The following NEGR1 variants were observed in gnomAD, a reference collection of about 807,000 sequenced individuals.
The protein encoded by NEGR1 is neuronal growth regulator 1.
In NEGR1, 10 loss-of-function variants were observed where a neutral mutation model predicts 40.9. The observed-to-expected ratio is 0.24, with a 90% CI of 0.15 to 0.42. NEGR1 has a LOEUF of 0.42. Ranked by LOEUF, NEGR1 falls within the 10% of genes least tolerant of loss-of-function variation. The pLI is 1.00. For missense variants in NEGR1, 352 were observed against 438.9 expected, an observed-to-expected ratio of 0.80 and a Z score of 1.77; for synonymous variants, 185 against 166.8, an observed-to-expected ratio of 1.11 and a Z score of -0.84.
chr1:71,977,102 T>A (rs1343212631), intron 1 of NEGR1, among the ~76,000 whole-genome samples: 1 of 152,050 alleles, frequency 6.6e-6, no homozygotes, highest in Non-Finnish European at 1.5e-5. Flanking sequence ...GCGGGTGGAC[T>A]GTCTGAGGTC....
chr1:71,704,915 A>G (rs1292919567), intron 3 of NEGR1, among the ~76,000 whole-genome samples: 1 of 151,978 alleles, frequency 6.6e-6, no homozygotes, highest in Admixed American at 6.6e-5. Context: ...ATACACCATG[A>G]TCAAGTACAG....
intron 3 of NEGR1, among the ~76,000 whole-genome samples, chr1:71,775,053 A>G (rs1168791100): frequency 1.3e-5 from 2 of 152,174 alleles, no homozygotes; most frequent in African/African-American, 2.4e-5. Context: ...TTCTAACTCC[A>G]AAGTCTTTGA....
At chr1:71,845,474 C>T (rs995677755) in intron 2 of NEGR1, among the ~76,000 whole-genome samples, 1 of 151,940 alleles carries the variant, frequency 6.6e-6, no homozygotes, top group South Asian at 2.1e-4. Flanking sequence ...ATCAGGCTGC[C>T]CCAATTTCTT....
chr1:71,868,917 G>T (rs1013527107), intron 2 of NEGR1, among the ~76,000 whole-genome samples: 7 of 151,916 alleles, frequency 4.6e-5, no homozygotes, highest in African/African-American at 1.7e-4. Context: ...CTGGAAAACA[G>T]GCCCTTCATC....
Position 71,698,109 on chromosome 1 carries a change from T to C in NEGR1, c.566A>G (p.Asp189Gly). 2 of 1,610,590 alleles carry C rather than the reference T, an allele frequency of 1.2e-6. No individual in the cohort carries two copies. Among genetic ancestry groups the C allele is most frequent in the African/African-American group, 1.3e-5 (1 of 74,842 alleles). The change falls in exon 4 of 7, where the codon GAC (aspartate) becomes GGC (glycine). Residue 189 changes from aspartate (D) to glycine (G), a missense_variant. Coordinates refer to ENST00000357731, the MANE Select transcript of NEGR1 (RefSeq NM_173808.3). ...CTGGTCCCTTGTAATTCCATAAATG[T>C]CCAAATATTGTCCATTTTCAAATGG... Reference protein sequence around the residue: ...AKPFENGQYLDIYGITRDQAG... With the variant: ...AKPFENGQYLGIYGITRDQAG...
chr1:71,687,544 G>A (rs1468065324), intron 4 of NEGR1, among the ~76,000 whole-genome samples: 1 of 152,108 alleles, frequency 6.6e-6, no homozygotes, highest in Non-Finnish European at 1.5e-5. Flanking sequence ...CACAGTATGT[G>A]AACAAACCTA....
rs138602571 is a variant in NEGR1, at chr1:71,425,156, A to G, written c.941-17586T>C. Among the ~76,000 whole-genome samples, 18 of 152,254 alleles carry G rather than the reference A, an allele frequency of 1.2e-4. No homozygotes were observed. In the East Asian group the frequency reaches 3.5e-3, roughly 30 times the overall value. ...AAGATGAAATGACTGAGCAGCACAC[A>G]TAATACGTGCTCTTAGCTTCAAGAA... On this transcript the variant is annotated intron_variant, in intron 6 of 6. Transcript: ENST00000357731.
chr1:71,525,026 C>G (rs550277322), intron 6 of NEGR1, among the ~76,000 whole-genome samples: 1 of 151,826 alleles, frequency 6.6e-6, no homozygotes, highest in South Asian at 2.1e-4. Flanking sequence ...GACTTCTGAC[C>G]TCCAAAACTA....
At chr1:71,885,659 T>C (rs1284701875) in intron 2 of NEGR1, among the ~76,000 whole-genome samples, 1 of 152,142 alleles carries the variant, frequency 6.6e-6, no homozygotes, top group Non-Finnish European at 1.5e-5. Context: ...ATTAATCACA[T>C]TGAACAAAAT....
intron 2 of NEGR1, among the ~76,000 whole-genome samples, chr1:71,790,265 G>A (rs1472963343): frequency 2.0e-5 from 3 of 152,116 alleles, no homozygotes; most frequent in African/African-American, 7.2e-5. Flanking sequence ...CTATATGGAA[G>A]CAGAATGTCA....
intron 6 of NEGR1, among the ~76,000 whole-genome samples, chr1:71,484,294 A>G (rs780237121): frequency 1.3e-5 from 2 of 151,602 alleles, no homozygotes; most frequent in Non-Finnish European, 3.0e-5. Flanking sequence ...ACCTTCATGC[A>G]AGACTTTTTT....
intron 4 of NEGR1, among the ~76,000 whole-genome samples, chr1:71,657,869 A>G (rs1456749153): frequency 2.0e-5 from 3 of 152,234 alleles, no homozygotes; most frequent in Non-Finnish European, 2.9e-5. Context: ...ATTTGGAAGT[A>G]AATTAATAAC....
chr1:71,521,730 A>G (rs192206792), intron 6 of NEGR1, among the ~76,000 whole-genome samples: 1 of 152,148 alleles, frequency 6.6e-6, no homozygotes, highest in East Asian at 1.9e-4. Context: ...TCAAGGGATT[A>G]GTACAAATAA....
intron 2 of NEGR1, among the ~76,000 whole-genome samples, chr1:71,907,223 C>T (rs1180854245): frequency 6.6e-6 from 1 of 152,082 alleles, no homozygotes; most frequent in Admixed American, 6.6e-5. Context: ...TAGGTCTAGC[C>T]TCTGTTTCTA....
chr1:72,243,645 T>G (rs1255564534), intron 1 of NEGR1, among the ~76,000 whole-genome samples: 2 of 151,586 alleles, frequency 1.3e-5, no homozygotes, highest in East Asian at 3.9e-4. Context: ...CTATAATGAG[T>G]GAAAAAACAA....
intron 1 of NEGR1, among the ~76,000 whole-genome samples, chr1:72,120,492 T>C (rs540219753): frequency 1.6e-4 from 24 of 150,660 alleles, no homozygotes; most frequent in Admixed American, 1.5e-3. Flanking sequence ...CTGCACAATT[T>C]AACACTTCTT....
chr1:71,698,742 G>C (rs547464471), intron 3 of NEGR1, among the ~76,000 whole-genome samples: 5 of 151,756 alleles, frequency 3.3e-5, no homozygotes, highest in African/African-American at 1.2e-4. Context: ...ACTCTCTAAG[G>C]GTTAAGTTTT....
chr1:71,542,562 G>C (rs1647746864), intron 6 of NEGR1, among the ~76,000 whole-genome samples: 1 of 151,714 alleles, frequency 6.6e-6, no homozygotes, highest in Non-Finnish European at 1.5e-5. Flanking sequence ...TGAGGGCCCA[G>C]CAGATACAGT....
chr1:71,823,295 C>T (rs1029206655), intron 2 of NEGR1, among the ~76,000 whole-genome samples: 1 of 151,510 alleles, frequency 6.6e-6, no homozygotes, highest in Non-Finnish European at 1.5e-5. Flanking sequence ...ACCAAATCTC[C>T]ACTCAATAAG....
Sources: gnomAD v4.1 joint callset for allele counts (sites outside exome capture counted in the v4.1 genomes callset) on GRCh38, gnomAD v4.1.1 for gene constraint, MANE v1.5 for transcripts, NCBI Gene and HGNC (gene_info 2026-07-23, HGNC 2026-07-21) for gene names.